The following NR5A1 variants were observed in gnomAD, a reference collection of about 807,000 sequenced individuals.
The protein encoded by NR5A1 is nuclear receptor subfamily 5 group A member 1, also known as steroidogenic factor 1.
Under a neutral mutation model 42.7 loss-of-function variants are expected in NR5A1, and 6 were observed. The observed-to-expected ratio is 0.14, with a 90% CI of 0.08 to 0.28. The LOEUF (loss-of-function observed/expected upper bound fraction) is 0.28. NR5A1 is among the 10% of genes least tolerant of loss of function. The probability of loss-of-function intolerance (pLI) is 1.00; values close to 1 mark genes in which losing one functional copy is unlikely to be tolerated. For synonymous variants in NR5A1, 274 were observed against 277.5 expected, an observed-to-expected ratio of 0.99 and a Z score of 0.12; for missense variants, 442 against 626.4, an observed-to-expected ratio of 0.71 and a Z score of 3.14.
intron 5 of NR5A1, among the ~76,000 whole-genome samples, chr9:124,492,246 C>T (rs536863874): frequency 6.6e-6 from 1 of 150,792 alleles, no homozygotes; most frequent in Non-Finnish European, 1.5e-5. Flanking sequence ...TGCCTCCCCC[C>T]CTCCCTCTCT....
At chr9:124,484,919 G>A (rs1832185530) in intron 6 of NR5A1, among the ~76,000 whole-genome samples, 2 of 152,182 alleles carry the variant, frequency 1.3e-5, no homozygotes, top group African/African-American at 4.8e-5. Flanking sequence ...ATTGAACAGA[G>A]GAGTGCAACT....
In NR5A1 at chr9:124,501,807, C is replaced by A. The variant is rs969313445; in HGVS notation, c.245-1092G>T. On this transcript the variant is annotated intron_variant, in intron 3 of 6. Transcript: ENST00000373588. The surrounding 1 kb of genome is among the most constrained non-coding windows in gnomAD (Gnocchi z 4.1). ...GGCATGTGGTCCACCACTCTCAGAGCCACCTGGGGCTTTCTACACTGTTCC... is the reference window on the plus strand; with the variant it reads ...GGCATGTGGTCCACCACTCTCAGAGACACCTGGGGCTTTCTACACTGTTCC... Among the ~76,000 whole-genome samples the A allele has an allele frequency of 6.6e-6, 1 of 152,210 alleles. No homozygotes were observed. The highest frequency in any genetic ancestry group is 1.5e-5 in the Non-Finnish European group (1 of 68,046).
Position 124,491,277 on chromosome 9 carries a change from G to A in NR5A1, c.991-49C>T, listed in dbSNP as rs188477234. 2.4e-3 allele frequency: 3,622 copies of A among 1,482,348 alleles called. 78 individuals carry two copies. In the African/African-American group the frequency reaches 0.042, roughly 17 times the overall value. The allele number at this position is 1,482,348 out of a possible 1,614,324, so 91.8% of individuals were successfully genotyped here. A position where few individuals can be genotyped will look rare whatever the true frequency, so the allele number is the denominator to read the frequency against. On this transcript the variant is annotated intron_variant, in intron 5 of 6. Coordinates refer to ENST00000373588, the MANE Select transcript of NR5A1 (RefSeq NM_004959.5). ...GGGGACAGTCAGAGGACGTGGGTCC[G>A]GGCAGGTGGCTCTCTGATGGGGGAT... is the stretch of plus-strand genomic sequence containing the variant.
intron 6 of NR5A1, among the ~76,000 whole-genome samples, chr9:124,484,324 G>A (rs2131270527): frequency 6.6e-6 from 1 of 152,340 alleles, no homozygotes; most frequent in East Asian, 1.9e-4. Flanking sequence ...CGCACCCCAA[G>A]GAGTCGTGTG....
chr9:124,507,089 C>T (rs1832573341), intron 1 of NR5A1, 160 bp downstream of exon 1: 1 of 152,540 alleles, frequency 6.6e-6, no homozygotes, highest in South Asian at 2.1e-4. Context: ...GAGGGGGTAG[C>T]ATGGTGGGAG....
chr9:124,482,476 G>A lies in NR5A1; in HGVS notation c.*282C>T. The A allele has an allele frequency of 2.1e-6, 1 of 479,596 alleles. No homozygotes were observed. Among genetic ancestry groups the A allele is most frequent in the Non-Finnish European group, 3.8e-6 (1 of 260,256 alleles). 29.7% of individuals were successfully genotyped at this position (479,596 alleles called of 1,614,324 possible). A position where few individuals can be genotyped will look rare whatever the true frequency, so the allele number is the denominator to read the frequency against. The stretch of plus-strand genomic sequence containing the variant: ...ACTCCAGGAGAGAGAGCTGGGAGCA[G>A]GGAGGGGGCGGGGCGGGTGGTTAAC... On this transcript the variant is annotated 3_prime_UTR_variant, in exon 7 of 7. Transcript: ENST00000373588.
chr9:124,482,480 G>GGGGGC lies in NR5A1; in HGVS notation c.*273_*277dup, dbSNP rs1180030455. On this transcript the variant is annotated 3_prime_UTR_variant, in exon 7 of 7. Transcript: ENST00000373588. ...CAGGAGAGAGAGCTGGGAGCAGGGA[G>GGGGGC]GGGGCGGGGCGGGTGGTTAACAGCC... 2.1e-6 allele frequency: 1 copy of GGGGGC among 485,424 alleles called. No homozygotes were observed. The allele number at this position is 485,424 out of a possible 1,614,324, so 30.1% of individuals were successfully genotyped here.
chr9:124,483,766 G>A (rs1832166499), intron 6 of NR5A1, among the ~76,000 whole-genome samples: 1 of 152,218 alleles, frequency 6.6e-6, no homozygotes, highest in Non-Finnish European at 1.5e-5. Context: ...GTGGGTGGGA[G>A]TATCCCATCT....
chr9:124,500,565 G>T lies in NR5A1; in HGVS notation c.395C>A (p.Pro132His). Reference protein sequence around the residue: ...TGPPMGVPPPPPPAPDYVLPP... With the variant: ...TGPPMGVPPPHPPAPDYVLPP... ...CAGCACGTAGTCCGGTGCGGGAGGG[G>T]GCGGCGGGGGCACCCCCATCGGGGG... The change falls in exon 4 of 7, where the codon CCC (proline) becomes CAC (histidine). Residue 132 changes from proline (P) to histidine (H), a missense_variant. Physicochemically the swap from Pro to His is moderately conservative, Grantham distance 77. Transcript: ENST00000373588. The surrounding 1 kb of genome is among the most constrained non-coding windows in gnomAD (Gnocchi z 6.9). 1 of 1,611,548 alleles carries T rather than the reference G, an allele frequency of 6.2e-7. No homozygotes were observed. The highest frequency in any genetic ancestry group is 8.5e-7 in the Non-Finnish European group (1 of 1,179,838).
chr9:124,486,518 C>T (rs905615507), intron 6 of NR5A1, among the ~76,000 whole-genome samples: 1 of 152,186 alleles, frequency 6.6e-6, no homozygotes, highest in Admixed American at 6.5e-5. Context: ...CTGGGTCAAG[C>T]TGGGATGCAT....
At chr9:124,505,804 C>T (rs1012968619) in intron 1 of NR5A1, among the ~76,000 whole-genome samples, 1 of 152,132 alleles carries the variant, frequency 6.6e-6, no homozygotes, top group Admixed American at 6.5e-5. Context: ...AAGCGCTGGG[C>T]GGTCTTGGGG....
intron 5 of NR5A1, among the ~76,000 whole-genome samples, chr9:124,492,785 A>G (rs533759668): frequency 1.8e-4 from 27 of 152,114 alleles, no homozygotes; most frequent in African/African-American, 6.3e-4. Flanking sequence ...CACCATGCCC[A>G]CACCCCCTGA....
intron 4 of NR5A1, among the ~76,000 whole-genome samples, chr9:124,494,266 G>A (rs936786429): frequency 1.3e-5 from 2 of 152,192 alleles, no homozygotes; most frequent in African/African-American, 4.8e-5. Context: ...GTTTCGTATA[G>A]TCGCCACCCA....
intron 1 of NR5A1, among the ~76,000 whole-genome samples, chr9:124,505,083 G>A (rs1449138695): frequency 6.6e-6 from 1 of 151,924 alleles, no homozygotes; most frequent in Admixed American, 6.5e-5. Context: ...CCCGGCCCGC[G>A]CCGGCACCCT....
At chr9:124,488,190 C>T (rs1025792633) in intron 6 of NR5A1, among the ~76,000 whole-genome samples, 1 of 151,886 alleles carries the variant, frequency 6.6e-6, no homozygotes, top group African/African-American at 2.4e-5. Flanking sequence ...AGGCCCAGCT[C>T]AGAGCCCCCA....
rs1564151728 is a variant in NR5A1, at chr9:124,498,053, C to T, written c.870+2037G>A. Among the ~76,000 whole-genome samples the T allele has an allele frequency of 6.6e-5, 10 of 152,324 alleles. 1 individual carries two copies. The South Asian group carries it at 1.9e-3, about 28-fold the overall frequency. Reference sequence around the variant, plus strand: ...CAGATGATTTTAATGTCCCCAGTGTCCAGCCCAAGGGCTGCTCCACTCTCA... The same window carrying T: ...CAGATGATTTTAATGTCCCCAGTGTTCAGCCCAAGGGCTGCTCCACTCTCA... On this transcript the variant is annotated intron_variant, in intron 4 of 6. Coordinates refer to ENST00000373588, the MANE Select transcript of NR5A1 (RefSeq NM_004959.5). This position sits in a 1 kb window ranked among gnomAD's most constrained non-coding sequence, Gnocchi z 4.6.
rs369194170 is a variant in NR5A1 at position 124,497,276 on chromosome 9, G to A, written c.870+2814C>T. Among the ~76,000 whole-genome samples the A allele has an allele frequency of 1.9e-3, 292 of 152,284 alleles. 1 individual carries two copies. The highest frequency in any genetic ancestry group is 6.6e-3 in the African/African-American group (276 of 41,556). On this transcript the variant is annotated intron_variant, in intron 4 of 6. Transcript: ENST00000373588. Reference sequence around the variant, plus strand: ...TTTCAAGACGAGGAAACTGAGGCCCGGAGGAGTGAAGTCACTTGCCCAAAA... The same window carrying A: ...TTTCAAGACGAGGAAACTGAGGCCCAGAGGAGTGAAGTCACTTGCCCAAAA...
In NR5A1 at chr9:124,500,136, G is replaced by C; in HGVS notation, c.824C>G (p.Ser275Cys). ...LCRMADQTFISIVDWARRCMV... is the reference protein window; with the variant it reads ...LCRMADQTFICIVDWARRCMV... ...GCACCTGCGTGCCCAGTCCACGATGGAGATGAAGGTCTGGTCGGCCATTCT... is the reference window on the plus strand; with the variant it reads ...GCACCTGCGTGCCCAGTCCACGATGCAGATGAAGGTCTGGTCGGCCATTCT... The change falls in exon 4 of 7, where the codon TCC (serine) becomes TGC (cysteine). Residue 275 changes from serine (S) to cysteine (C), a missense_variant. This residue lies in a region of NR5A1 where 163 missense variants were observed against 265.8 expected (regional missense o/e 0.61). Coordinates refer to ENST00000373588, the MANE Select transcript of NR5A1 (RefSeq NM_004959.5). The surrounding 1 kb of genome is among the most constrained non-coding windows in gnomAD (Gnocchi z 6.9). 6.2e-7 allele frequency: 1 copy of C among 1,613,124 alleles called. No homozygotes were observed. Among genetic ancestry groups the C allele is most frequent in the Non-Finnish European group, 8.5e-7 (1 of 1,180,046 alleles).
At chr9:124,491,035 C>CCCCCCCCA in intron 6 of NR5A1, 46 bp downstream of exon 6, 1 of 1,386,312 alleles carries the variant, frequency 7.2e-7, no homozygotes, top group Non-Finnish European at 9.7e-7. Context: ...TCCCACCCAC[C>CCCCCCCCA]CGCCTCTGGC....
Sources: gnomAD v4.1 joint callset for allele counts (sites outside exome capture counted in the v4.1 genomes callset) on GRCh38, gnomAD v4.1.1 for gene constraint, gnomAD v4.1.1 regional missense constraint, Gnocchi (gnomAD v3.1) non-coding constraint, MANE v1.5 for transcripts, NCBI Gene and HGNC (gene_info 2026-07-23, HGNC 2026-07-21) for gene names.